ULK4: variants seen among roughly 807,000 people sequenced by gnomAD.
ULK4 encodes the protein inactive serine/threonine-protein kinase ULK4.
Under a neutral mutation model 160.6 loss-of-function variants are expected in ULK4, and 133 were observed. The ratio of observed to expected loss-of-function variants is 0.83; its 90% CI spans 0.72 to 0.96. The LOEUF is 0.96. ULK4 is among the 40% of genes least tolerant of loss of function. The pLI is 0.00. For synonymous variants in ULK4, 534 were observed against 539.8 expected (o/e 0.99, Z 0.15); for missense variants, 1,580 against 1,499.5 (o/e 1.05, Z -0.89).
chr3:41,634,238 T>G (rs1371041170), intron 30 of ULK4, among the ~76,000 whole-genome samples: 1 of 152,198 alleles, frequency 6.6e-6, no homozygotes, highest in East Asian at 1.9e-4. Context: ...CTTGTGCTTT[T>G]GCCTGACCCA....
chr3:41,940,511 A>G (rs994201101), intron 2 of ULK4, among the ~76,000 whole-genome samples: 3 of 152,092 alleles, frequency 2.0e-5, no homozygotes, highest in African/African-American at 7.2e-5. Context: ...AAAAATTTTT[A>G]ATTAGCCAGG....
chr3:41,462,490 C>T lies in ULK4; in HGVS notation c.3393+597G>A, dbSNP rs561087623. On this transcript the variant is annotated intron_variant, in intron 33 of 36. Coordinates refer to ENST00000301831, the MANE Select transcript of ULK4 (RefSeq NM_017886.4). ...GTACTCTATAAAACCACACCTCCTT[C>T]CTGCCTTACAGCATAATGCTAAGTA... is the stretch of plus-strand genomic sequence containing the variant. Among the ~76,000 whole-genome samples, 10 of 152,344 alleles carry T rather than the reference C, an allele frequency of 6.6e-5. No individual in the cohort carries two copies. The South Asian group carries it at 2.1e-3, about 32-fold the overall frequency.
At chr3:41,403,228 T>A (rs1006130649) in intron 34 of ULK4, among the ~76,000 whole-genome samples, 4 of 152,094 alleles carry the variant, frequency 2.6e-5, no homozygotes, top group African/African-American at 7.2e-5. Context: ...TCCAGTGAAA[T>A]TATCTGGGCC....
At chr3:41,389,767 G>C (rs533935349) in intron 35 of ULK4, among the ~76,000 whole-genome samples, 1 of 152,072 alleles carries the variant, frequency 6.6e-6, no homozygotes, top group Non-Finnish European at 1.5e-5. Flanking sequence ...TGCTGGATTC[G>C]GTTTGCCAGT....
chr3:41,954,520 G>C (rs1316902996), intron 2 of ULK4, 102 bp downstream of exon 2: 1 of 1,346,762 alleles, frequency 7.4e-7, no homozygotes, highest in East Asian at 2.3e-5. Flanking sequence ...TGAAAATGTG[G>C]CATTTGATAT....
At chr3:41,690,481 A>C (rs2036259737) in intron 27 of ULK4, among the ~76,000 whole-genome samples, 1 of 151,442 alleles carries the variant, frequency 6.6e-6, no homozygotes, top group South Asian at 2.1e-4. Context: ...AAGAAAAAAA[A>C]AACTTTTCTC....
At chr3:41,393,937 A>G (rs2082005165) in intron 35 of ULK4, among the ~76,000 whole-genome samples, 1 of 152,140 alleles carries the variant, frequency 6.6e-6, no homozygotes, top group African/African-American at 2.4e-5. Flanking sequence ...GGTCTTGGGA[A>G]CATTATTTAA....
chr3:41,642,331 C>A (rs1475374464), intron 30 of ULK4, among the ~76,000 whole-genome samples: 1 of 151,936 alleles, frequency 6.6e-6, no homozygotes, highest in Non-Finnish European at 1.5e-5. Context: ...TAATGCTATC[C>A]CTCCCTACTC....
chr3:41,912,786 A>G (rs1698833800), intron 9 of ULK4, 21 bp downstream of exon 9: 1 of 1,607,768 alleles, frequency 6.2e-7, no homozygotes, highest in South Asian at 1.1e-5. Context: ...TGTCCCATAC[A>G]CAAAGGTAAG....
At chr3:41,356,686 A>G (rs1426700585) in intron 35 of ULK4, among the ~76,000 whole-genome samples, 2 of 152,206 alleles carry the variant, frequency 1.3e-5, no homozygotes, top group Non-Finnish European at 2.9e-5. Context: ...TAAAATAAAG[A>G]TTTAATTTTG....
chr3:41,510,432 A>G (rs768467024), intron 32 of ULK4, among the ~76,000 whole-genome samples: 71 of 152,370 alleles, frequency 4.7e-4, no homozygotes, highest in Non-Finnish European at 5.9e-4. Context: ...ATCAAGACAG[A>G]AAGTCAACAA....
intron 35 of ULK4, among the ~76,000 whole-genome samples, chr3:41,313,760 T>C (rs1395077161): frequency 6.6e-6 from 1 of 152,228 alleles, no homozygotes; most frequent in Non-Finnish European, 1.5e-5. Context: ...TGGAAGTTCC[T>C]TTACACTCCT....
chr3:41,307,910 A>C (rs556593095), intron 35 of ULK4, among the ~76,000 whole-genome samples: 3 of 152,284 alleles, frequency 2.0e-5, no homozygotes, highest in African/African-American at 7.2e-5. Context: ...ACACACAGAA[A>C]AAATTAAAAC....
At chr3:41,652,839 T>G (rs2034794985) in intron 30 of ULK4, among the ~76,000 whole-genome samples, 1 of 152,178 alleles carries the variant, frequency 6.6e-6, no homozygotes, top group South Asian at 2.1e-4. Flanking sequence ...AGAAAGGGAC[T>G]CTGCTGAGTA....
chr3:41,736,413 G>A (rs1016381574), intron 22 of ULK4, among the ~76,000 whole-genome samples: 30 of 151,934 alleles, frequency 2.0e-4, no homozygotes, highest in Middle Eastern at 3.4e-3. Flanking sequence ...ATCTCACTGC[G>A]GTTTTGATTT....
At chr3:41,591,028 C>A (rs2031263468) in intron 31 of ULK4, among the ~76,000 whole-genome samples, 2 of 151,432 alleles carry the variant, frequency 1.3e-5, no homozygotes, top group African/African-American at 4.9e-5. Context: ...ACACACACAC[C>A]CTCCACACAC....
chr3:41,737,895 G>A (rs60129086), intron 22 of ULK4, among the ~76,000 whole-genome samples: 17,785 of 151,746 alleles, frequency 0.12, 3,650 homozygotes, highest in African/African-American at 0.4. Flanking sequence ...TCCTAAATAT[G>A]TAACTCGAAT....
chr3:41,590,054 G>A (rs2031162710), intron 31 of ULK4, among the ~76,000 whole-genome samples: 1 of 151,780 alleles, frequency 6.6e-6, no homozygotes, highest in African/African-American at 2.4e-5. Context: ...CCAGGCTGGA[G>A]TACAGTGGCG....
intron 17 of ULK4, among the ~76,000 whole-genome samples, chr3:41,879,344 CAAGA>C (rs1179312433): frequency 6.6e-6 from 1 of 151,822 alleles, no homozygotes; most frequent in African/African-American, 2.4e-5. Flanking sequence ...AATACTCCAG[CAAGA>C]AAGAGAGAGG....
Sources: allele counts gnomAD v4.1 joint callset (sites outside exome capture counted in the v4.1 genomes callset), GRCh38; gene constraint gnomAD v4.1.1; transcripts MANE v1.5; gene names NCBI Gene and HGNC (gene_info 2026-07-23, HGNC 2026-07-21).